The following ANO4 variants were observed in gnomAD, a reference collection of about 807,000 sequenced individuals.
The protein encoded by ANO4 is anoctamin-4.
In ANO4, 69 loss-of-function variants were observed where a neutral mutation model predicts 141.9. The observed-to-expected ratio is 0.49, with a 90% CI of 0.40 to 0.59. The LOEUF (loss-of-function observed/expected upper bound fraction) is 0.59. ANO4 is among the 20% of genes least tolerant of loss of function. The pLI, the probability that ANO4 is intolerant of heterozygous loss-of-function variation, is 0.00. For synonymous variants in ANO4, 350 were observed against 394.3 expected (o/e 0.89, Z 1.33); for missense variants, 894 against 1,162.2 (o/e 0.77, Z 3.36).
chr12:101,062,593 G>T (rs1435379393), intron 14 of ANO4, among the ~76,000 whole-genome samples: 1 of 152,234 alleles, frequency 6.6e-6, no homozygotes, highest in Non-Finnish European at 1.5e-5. Flanking sequence ...CAGGGAGGAG[G>T]AATCTAGAGA....
At chr12:101,116,856 G>A (rs1441994615) in intron 25 of ANO4, 58 bp downstream of exon 25, 2 of 1,610,822 alleles carry the variant, frequency 1.2e-6, no homozygotes, top group East Asian at 2.2e-5. Flanking sequence ...CCGTGGGGAG[G>A]TTTTACTCTG....
intron 10 of ANO4, chr12:101,038,714 A>G (rs779931087): frequency 2.0e-5 from 3 of 152,138 alleles, no homozygotes; most frequent in African/African-American, 4.8e-5. Flanking sequence ...AAGTCACACA[A>G]TGAGTTGGTG....
At chr12:101,098,518 G>A (rs936553178) in intron 21 of ANO4, among the ~76,000 whole-genome samples, 2 of 152,150 alleles carry the variant, frequency 1.3e-5, no homozygotes, top group Admixed American at 6.5e-5. Flanking sequence ...GAAAACTCAA[G>A]GTTTCAGGGA....
At chr12:100,792,873 G>A (rs2034096923), upstream of ANO4, among the ~76,000 whole-genome samples, 1 of 152,170 alleles carries the variant, frequency 6.6e-6, no homozygotes, top group African/African-American at 2.4e-5. Context: ...AGCCGTTAAT[G>A]CAGATAAAAA....
intron 1 of ANO4, among the ~76,000 whole-genome samples, chr12:100,846,290 A>T (rs551478606): frequency 6.6e-6 from 1 of 152,258 alleles, no homozygotes; most frequent in East Asian, 1.9e-4. Flanking sequence ...TTTTGGGTAA[A>T]CCAGTAATTC....
intron 1 of ANO4, among the ~76,000 whole-genome samples, chr12:100,821,251 A>G (rs2036036070): frequency 6.6e-6 from 1 of 152,080 alleles, no homozygotes. Context: ...TCAGGAACTA[A>G]TAAAACAACT....
chr12:100,877,450 G>A (rs924696461), intron 1 of ANO4, among the ~76,000 whole-genome samples: 1 of 151,022 alleles, frequency 6.6e-6, no homozygotes. Flanking sequence ...AACAGAGAAA[G>A]CAGAGTCTAT....
chr12:101,079,587 C>T (rs1244062116), intron 15 of ANO4, among the ~76,000 whole-genome samples: 6 of 151,884 alleles, frequency 4.0e-5, no homozygotes, highest in Non-Finnish European at 8.8e-5. Context: ...TCTCTAACTT[C>T]AGCAGAAAAA....
chr12:101,026,068 AT>A (rs1252597389), intron 9 of ANO4, among the ~76,000 whole-genome samples: 1 of 152,214 alleles, frequency 6.6e-6, no homozygotes, highest in African/African-American at 2.4e-5. Context: ...ATCCAGTGCA[AT>A]AAAATAAAAA....
intron 5 of ANO4, among the ~76,000 whole-genome samples, chr12:100,965,874 C>G (rs192009411): frequency 4.6e-5 from 7 of 152,128 alleles, no homozygotes; most frequent in Admixed American, 4.6e-4. Flanking sequence ...TTACATCATG[C>G]TTATTTGTTG....
intron 23 of ANO4, 106 bp downstream of exon 23, chr12:101,110,662 T>A: frequency 9.9e-7 from 1 of 1,006,404 alleles, no homozygotes; most frequent in Non-Finnish European, 1.3e-6. Flanking sequence ...CCATTTAATA[T>A]AATTCACCTA....
At chr12:100,990,822 C>T (rs1358351025) in intron 8 of ANO4, among the ~76,000 whole-genome samples, 2 of 151,898 alleles carry the variant, frequency 1.3e-5, no homozygotes, top group Non-Finnish European at 2.9e-5. Flanking sequence ...GGATAAGGGG[C>T]GAAAGGCATC....
intron 1 of ANO4, among the ~76,000 whole-genome samples, chr12:100,812,685 G>A (rs2035516932): frequency 6.6e-6 from 1 of 152,122 alleles, no homozygotes; most frequent in Admixed American, 6.6e-5. Context: ...AGGCTTATGG[G>A]GGTAAAGATA....
intron 1 of ANO4, among the ~76,000 whole-genome samples, chr12:100,900,793 T>A (rs1238630146): frequency 6.6e-6 from 1 of 152,188 alleles, no homozygotes; most frequent in Non-Finnish European, 1.5e-5. Flanking sequence ...TAGTGAAGAA[T>A]TTTCCCTCAT....
chr12:100,824,566 G>C (rs1006201841), intron 1 of ANO4, among the ~76,000 whole-genome samples: 1 of 152,006 alleles, frequency 6.6e-6, no homozygotes, highest in Non-Finnish European at 1.5e-5. Flanking sequence ...ACATTAGCTG[G>C]TTTAGCGAGA....
chr12:100,975,955 A>AAAAAAAC (rs1555266336), intron 7 of ANO4, among the ~76,000 whole-genome samples: 1 of 124,624 alleles, frequency 8.0e-6, no homozygotes, highest in Non-Finnish European at 1.6e-5. Flanking sequence ...GAAAAAAAAA[A>AAAAAAAC]CCCACCAGAT....
intron 1 of ANO4, among the ~76,000 whole-genome samples, chr12:100,873,012 T>G (rs2039109574): frequency 6.6e-6 from 1 of 152,186 alleles, no homozygotes; most frequent in Admixed American, 6.5e-5. Flanking sequence ...CCTCTTGTCT[T>G]TCTTCCTCCT....
chr12:101,048,425 CTT>C, intron 14 of ANO4, 24 bp downstream of exon 14: 2 of 1,605,270 alleles, frequency 1.2e-6, no homozygotes, highest in Non-Finnish European at 1.7e-6. Flanking sequence ...AACCATAAAA[CTT>C]GAGTTTTCCT....
intron 7 of ANO4, among the ~76,000 whole-genome samples, chr12:100,978,604 T>G (rs1461289529): frequency 1.3e-5 from 2 of 152,220 alleles, no homozygotes; most frequent in Non-Finnish European, 2.9e-5. Context: ...CTCTTTAGTT[T>G]TCACTCTTTG....
Sources: gnomAD v4.1 joint callset for allele counts (sites outside exome capture counted in the v4.1 genomes callset) on GRCh38, gnomAD v4.1.1 for gene constraint, MANE v1.5 for transcripts, NCBI Gene and HGNC (gene_info 2026-07-23, HGNC 2026-07-21) for gene names.